CACNG4: variants seen among roughly 807,000 people sequenced by gnomAD.
CACNG4 encodes the protein calcium voltage-gated channel auxiliary subunit gamma 4, also known as voltage-dependent calcium channel gamma-4 subunit.
CACNG4 carries 8 observed loss-of-function variants against 22.9 expected under a neutral mutation model. The ratio of observed to expected loss-of-function variants is 0.35; its 90% confidence interval spans 0.21 to 0.63. The LOEUF is 0.63. CACNG4 is among the 30% of genes least tolerant of loss of function. The probability of loss-of-function intolerance (pLI) is 0.72; values close to 1 mark genes in which losing one functional copy is unlikely to be tolerated. For synonymous variants in CACNG4, 188 were observed against 191.9 expected (o/e 0.98, Z 0.17); for missense variants, 357 against 455.4 (o/e 0.78, Z 1.97).
chr17:67,017,653 G>A (rs2035507359), intron 1 of CACNG4, among the ~76,000 whole-genome samples: 1 of 152,090 alleles, frequency 6.6e-6, no homozygotes, highest in East Asian at 1.9e-4. Flanking sequence ...GAGTAGCTGG[G>A]ACTATAGGCA....
At chr17:67,004,419 T>C (rs1482878852) in intron 1 of CACNG4, among the ~76,000 whole-genome samples, 3 of 152,144 alleles carry the variant, frequency 2.0e-5, no homozygotes, top group African/African-American at 7.2e-5. Flanking sequence ...CTGAGCCAGA[T>C]GAGACCTCAG....
intron 1 of CACNG4, among the ~76,000 whole-genome samples, chr17:66,981,427 G>T (rs1012598604): frequency 2.3e-4 from 35 of 152,028 alleles, no homozygotes; most frequent in African/African-American, 8.2e-4. Flanking sequence ...CAGTTTTTTT[G>T]GGTTCTTCTT....
intron 1 of CACNG4, among the ~76,000 whole-genome samples, chr17:66,970,773 G>C (rs1295882470): frequency 6.6e-6 from 1 of 152,172 alleles, no homozygotes; most frequent in Non-Finnish European, 1.5e-5. Flanking sequence ...TATGTATTTT[G>C]GGGGCACACA....
At chr17:66,990,554 TGAACTTGACTTTGATTTC>T in intron 1 of CACNG4, among the ~76,000 whole-genome samples, 1 of 152,380 alleles carries the variant, frequency 6.6e-6, no homozygotes, top group East Asian at 1.9e-4. Flanking sequence ...TCCGGTCAGA[TGAACTTGACTTTGATTTC>T]TGGTTCTGTC....
intron 1 of CACNG4, among the ~76,000 whole-genome samples, chr17:66,985,088 G>A (rs903470858): frequency 6.6e-6 from 1 of 152,132 alleles, no homozygotes; most frequent in African/African-American, 2.4e-5. Context: ...CCCAGCCTGG[G>A]CAGCTGTGAT....
In CACNG4 at chr17:67,017,834, A is replaced by G. The variant is rs534781125; in HGVS notation, c.221-355A>G. On this transcript the variant is annotated intron_variant, in intron 1 of 3. Transcript: ENST00000262138. The stretch of plus-strand genomic sequence containing the variant: ...CCCAGCCTGTTTTTTATTTTTTTCA[A>G]GATGCGGCTAAGAGTCCCTTGGGTA... Among the ~76,000 whole-genome samples the G allele has an allele frequency of 6.0e-4, 91 of 152,108 alleles. No homozygotes were observed. The Middle Eastern group carries it at 0.014, about 23-fold the overall frequency.
In CACNG4 at chr17:67,024,969, C is replaced by T. The variant is rs1225267088; in HGVS notation, c.414C>T (p.Val138=). The change falls in exon 3 of 4, where the codon GTC becomes GTT. Residue 138 remains valine (V), a synonymous_variant. Coordinates refer to ENST00000262138, the MANE Select transcript of CACNG4 (RefSeq NM_014405.4). ...GRIYSRKNNI[V]LSAGILFVAA... ...TCTACAGCCGCAAGAACAACATCGT[C>T]CTCAGTGCCGGCATCCTCTTCGTGG... is the stretch of plus-strand genomic sequence containing the variant. 6.2e-7 allele frequency: 1 copy of T among 1,603,960 alleles called. No individual in the cohort carries two copies. The highest frequency in any genetic ancestry group is 8.5e-7 in the Non-Finnish European group (1 of 1,176,606).
intron 3 of CACNG4, among the ~76,000 whole-genome samples, chr17:67,025,583 C>T (rs549724942): frequency 3.3e-5 from 5 of 152,384 alleles, no homozygotes; most frequent in African/African-American, 9.6e-5. Context: ...CCGCCCATCC[C>T]GACTGCCCCA....
chr17:66,985,269 G>GATTC (rs775300946), intron 1 of CACNG4, among the ~76,000 whole-genome samples: 4 of 152,200 alleles, frequency 2.6e-5, no homozygotes, highest in Non-Finnish European at 2.9e-5. Flanking sequence ...GGCACTCCCA[G>GATTC]ATTCATTCAT....
At chr17:67,011,327 AG>A (rs1362025319) in intron 1 of CACNG4, among the ~76,000 whole-genome samples, 1 of 152,136 alleles carries the variant, frequency 6.6e-6, no homozygotes, top group African/African-American at 2.4e-5. Flanking sequence ...CAGCCCCCGC[AG>A]GGGTGTGTGT....
At chr17:67,018,953 GC>G (rs2035516306) in intron 2 of CACNG4, among the ~76,000 whole-genome samples, 1 of 151,974 alleles carries the variant, frequency 6.6e-6, no homozygotes, top group African/African-American at 2.4e-5. Context: ...GACAAACCCA[GC>G]CCCCACACTA....
chr17:66,964,938 G>A lies in CACNG4; in HGVS notation c.27G>A (p.Gln9=). Residue 9 remains glutamine (Q), a synonymous_variant, in exon 1 of 4, where the codon CAG becomes CAA. Coordinates refer to ENST00000262138, the MANE Select transcript of CACNG4 (RefSeq NM_014405.4). MVRCDRGL[Q]MLLTTAGAFA... Reference sequence around the variant, plus strand: ...TGGTGCGATGCGACCGCGGGCTGCAGATGCTGCTGACCACGGCCGGAGCCT... The same window carrying A: ...TGGTGCGATGCGACCGCGGGCTGCAAATGCTGCTGACCACGGCCGGAGCCT... 1 of 1,595,238 alleles carries A rather than the reference G, an allele frequency of 6.3e-7. No homozygotes were observed. The highest frequency in any genetic ancestry group is 1.3e-5 in the African/African-American group (1 of 74,196).
chr17:66,983,899 G>A (rs1054101222), intron 1 of CACNG4, among the ~76,000 whole-genome samples: 1 of 152,174 alleles, frequency 6.6e-6, no homozygotes, highest in African/African-American at 2.4e-5. Context: ...TTCAAAAGCA[G>A]GCAAAACGAA....
chr17:66,976,694 G>A (rs988327347), intron 1 of CACNG4, among the ~76,000 whole-genome samples: 8 of 148,918 alleles, frequency 5.4e-5, no homozygotes, highest in African/African-American at 2.0e-4. Flanking sequence ...TCCAAGCCAA[G>A]GATGTTTGTG....
chr17:66,965,282 G>A (rs1279707551), intron 1 of CACNG4, 151 bp downstream of exon 1: 16 of 562,068 alleles, frequency 2.8e-5, no homozygotes, highest in Admixed American at 2.8e-4. Flanking sequence ...CGCTGGCTCC[G>A]CGCGAGACAC....
At chr17:66,965,222 A>ACC in intron 1 of CACNG4, 91 bp downstream of exon 1, 2 of 673,664 alleles carry the variant, frequency 3.0e-6, no homozygotes, top group Non-Finnish European at 4.6e-6. Flanking sequence ...GCACACACAC[A>ACC]CACGCGCACA....
At chr17:67,014,071 C>T (rs116289994) in intron 1 of CACNG4, among the ~76,000 whole-genome samples, 1 of 152,140 alleles carries the variant, frequency 6.6e-6, no homozygotes, top group Admixed American at 6.5e-5. Context: ...GGTCTCCTGG[C>T]CCTCAGGAAG....
intron 2 of CACNG4, among the ~76,000 whole-genome samples, chr17:67,022,726 T>C (rs2035539461): frequency 6.6e-6 from 1 of 152,004 alleles, no homozygotes; most frequent in Non-Finnish European, 1.5e-5. Context: ...CCACCAAGGG[T>C]CCATGCAGCC....
chr17:66,999,910 G>C (rs2035398015), intron 1 of CACNG4, among the ~76,000 whole-genome samples: 1 of 152,204 alleles, frequency 6.6e-6, no homozygotes, highest in Admixed American at 6.5e-5. Context: ...GCTTTATTTA[G>C]ACGAATTAGA....
Sources: gnomAD v4.1 joint callset for allele counts (sites outside exome capture counted in the v4.1 genomes callset) on GRCh38, gnomAD v4.1.1 for gene constraint, MANE v1.5 for transcripts, NCBI Gene and HGNC (gene_info 2026-07-23, HGNC 2026-07-21) for gene names.